DRC8: variants seen among roughly 807,000 people sequenced by gnomAD.
The protein encoded by DRC8 is dynein regulatory complex protein 8.
chr1:245,034,617 A>AG, the DRC8 span, among the ~76,000 whole-genome samples: 134 of 149,782 alleles, frequency 8.9e-4, no homozygotes, highest in African/African-American at 3.0e-3. Flanking sequence ...AAAAAAAAAA[A>AG]AAAAAAAAAA....
chr1:245,121,588 G>T, the DRC8 span, among the ~76,000 whole-genome samples: 3 of 152,174 alleles, frequency 2.0e-5, no homozygotes, highest in Non-Finnish European at 4.4e-5. Context: ...AGTCCCTGTT[G>T]GAACCATCAC....
the DRC8 span, among the ~76,000 whole-genome samples, chr1:245,085,615 C>A: frequency 2.0e-5 from 3 of 152,146 alleles, no homozygotes; most frequent in African/African-American, 7.2e-5. Flanking sequence ...GAGTCCCAGG[C>A]TCAGGAGTTT....
chr1:245,047,985 A>C, the DRC8 span, among the ~76,000 whole-genome samples: 1 of 151,900 alleles, frequency 6.6e-6, no homozygotes, highest in Non-Finnish European at 1.5e-5. Flanking sequence ...AAAAAAAAAA[A>C]AAAAAAAAGG....
At chr1:245,010,705 G>A in the DRC8 span, among the ~76,000 whole-genome samples, 3 of 135,964 alleles carry the variant, frequency 2.2e-5, no homozygotes, top group Non-Finnish European at 3.1e-5. Context: ...TTTTTGAGAC[G>A]GAGTCTCACT....
At chr1:245,049,563 T>C in the DRC8 span, among the ~76,000 whole-genome samples, 1 of 151,800 alleles carries the variant, frequency 6.6e-6, no homozygotes, top group Non-Finnish European at 1.5e-5. The surrounding 1 kb of genome is among the most constrained non-coding windows in gnomAD (Gnocchi z 4.5). Flanking sequence ...CCTAAACAAA[T>C]AAACACGCCA....
chr1:245,104,571 C>T, the DRC8 span, among the ~76,000 whole-genome samples: 1 of 152,000 alleles, frequency 6.6e-6, no homozygotes, highest in East Asian at 1.9e-4. Context: ...TTAGGCATTG[C>T]CATTAACATA....
the DRC8 span, among the ~76,000 whole-genome samples, chr1:245,075,976 G>C: frequency 3.9e-5 from 6 of 152,218 alleles, no homozygotes; most frequent in Non-Finnish European, 2.9e-5. Flanking sequence ...CACATAGCCT[G>C]CCCTCTAGAC....
At chr1:245,110,920 G>T in the DRC8 span, among the ~76,000 whole-genome samples, 1 of 152,142 alleles carries the variant, frequency 6.6e-6, no homozygotes, top group Non-Finnish European at 1.5e-5. Context: ...ACTATAAAAT[G>T]GGAGGAAAGA....
chr1:245,052,989 T>A, the DRC8 span, among the ~76,000 whole-genome samples: 2 of 152,216 alleles, frequency 1.3e-5, no homozygotes, highest in African/African-American at 4.8e-5. Context: ...ATGATAAAAC[T>A]TGAGATAACA....
the DRC8 span, among the ~76,000 whole-genome samples, chr1:245,084,423 G>T: frequency 6.6e-6 from 1 of 151,976 alleles, no homozygotes; most frequent in African/African-American, 2.4e-5. Context: ...GAATACTGAG[G>T]TCATTTTTAA....
the DRC8 span, among the ~76,000 whole-genome samples, chr1:245,071,497 C>T: frequency 3.4e-3 from 519 of 152,288 alleles, 2 homozygotes; most frequent in Non-Finnish European, 5.6e-3. Flanking sequence ...GAATTGTGTC[C>T]GTGTCCATGC....
At chr1:245,059,941 G>A in the DRC8 span, among the ~76,000 whole-genome samples, 3 of 152,170 alleles carry the variant, frequency 2.0e-5, no homozygotes, top group Non-Finnish European at 4.4e-5. Context: ...ATCCCATAAG[G>A]CAGTGGATGA....
At chr1:245,055,901 G>A in the DRC8 span, among the ~76,000 whole-genome samples, 72,172 of 151,894 alleles carry the variant, frequency 0.48, 18,206 homozygotes, top group East Asian at 0.7. Context: ...GTTTTATTAC[G>A]AAATGTTTTT....
the DRC8 span, among the ~76,000 whole-genome samples, chr1:245,053,758 G>A: frequency 6.6e-6 from 1 of 152,226 alleles, no homozygotes; most frequent in East Asian, 1.9e-4. Context: ...GTCTACCCGG[G>A]CAGGTGAGAC....
At chr1:245,081,987 C>T in the DRC8 span, 1 of 973,306 alleles carries the variant, frequency 1.0e-6, no homozygotes. Flanking sequence ...TGCTCACCAT[C>T]CAGAGTCTCT....
chr1:245,037,160 A>C, the DRC8 span, among the ~76,000 whole-genome samples: 1 of 152,230 alleles, frequency 6.6e-6, no homozygotes, highest in Admixed American at 6.5e-5. Flanking sequence ...CAGAGAATAC[A>C]AAGTAAGTAT....
the DRC8 span, among the ~76,000 whole-genome samples, chr1:244,991,271 A>C: frequency 6.6e-6 from 1 of 152,106 alleles, no homozygotes; most frequent in East Asian, 1.9e-4. Context: ...TCTGCCAGGT[A>C]CCCCAGCTGA....
the DRC8 span, among the ~76,000 whole-genome samples, chr1:244,989,067 TAAAGTAA>T: frequency 6.6e-6 from 1 of 152,170 alleles, no homozygotes; most frequent in African/African-American, 2.4e-5. Flanking sequence ...ACAATGTTAA[TAAAGTAA>T]TTTTGATTTA....
chr1:245,118,805 G>GAAAAGAAAAGAAAAGAA, the DRC8 span, among the ~76,000 whole-genome samples: 1 of 73,982 alleles, frequency 1.4e-5, no homozygotes, highest in Non-Finnish European at 2.8e-5. Context: ...AAAAAGAAAA[G>GAAAAGAAAAGAAAAGAA]AAAAGAAAAG....
Sources: allele counts gnomAD v4.1 joint callset (sites outside exome capture counted in the v4.1 genomes callset), GRCh38; gene constraint gnomAD v4.1.1; non-coding constraint Gnocchi (gnomAD v3.1); transcripts MANE v1.5; gene names NCBI Gene and HGNC (gene_info 2026-07-23, HGNC 2026-07-21).